CDH22: variants seen among roughly 807,000 people sequenced by gnomAD.
The protein encoded by CDH22 is cadherin 22.
Under a neutral mutation model 58.4 loss-of-function variants are expected in CDH22, and 30 were observed. The observed-to-expected ratio is 0.51, with a 90% CI of 0.38 to 0.70. CDH22 has a LOEUF of 0.70. Ranked by LOEUF, CDH22 falls within the 30% of genes least tolerant of loss-of-function variation. The probability of loss-of-function intolerance (pLI) is 0.00; values close to 1 mark genes in which losing one functional copy is unlikely to be tolerated. For missense variants in CDH22, 1,014 were observed against 1,233.9 expected, an observed-to-expected ratio of 0.82 and a Z score of 2.67; for synonymous variants, 513 against 558.2, an observed-to-expected ratio of 0.92 and a Z score of 1.14.
At chr20:46,188,560 A>T (rs915458653) in intron 8 of CDH22, among the ~76,000 whole-genome samples, 3 of 152,242 alleles carry the variant, frequency 2.0e-5, no homozygotes, top group East Asian at 3.8e-4. Context: ...AGATTGAGTT[A>T]ATATCTGCAG....
intron 3 of CDH22, among the ~76,000 whole-genome samples, chr20:46,234,203 G>A (rs1260098390): frequency 6.6e-5 from 10 of 152,212 alleles, no homozygotes; most frequent in Non-Finnish European, 4.4e-5. Context: ...GAGTCCCCAG[G>A]AGGCTGAAAT....
At chr20:46,187,003 C>T (rs1421980305) in intron 8 of CDH22, 56 bp from the exon 9 acceptor site, 3 of 1,515,912 alleles carry the variant, frequency 2.0e-6, no homozygotes, top group Admixed American at 2.1e-5. Flanking sequence ...ATCTAGATAG[C>T]CTCCTCTCTA....
intron 8 of CDH22, among the ~76,000 whole-genome samples, chr20:46,196,097 C>T (rs1056102380): frequency 1.3e-5 from 2 of 152,144 alleles, no homozygotes; most frequent in African/African-American, 2.4e-5. Flanking sequence ...GGGGCTCTGG[C>T]TGGCTCCTGG....
chr20:46,181,740 C>CTTCCTTCCTTCCTTCCTTCG (rs2085787213), intron 10 of CDH22, among the ~76,000 whole-genome samples: 1 of 38,708 alleles, frequency 2.6e-5, no homozygotes, highest in African/African-American at 8.5e-5. Context: ...TCCTTCCTTC[C>CTTCCTTCCTTCCTTCCTTCG]TTCCTTCCTT....
At chr20:46,211,767 G>A (rs1035714787) in intron 6 of CDH22, among the ~76,000 whole-genome samples, 9 of 152,002 alleles carry the variant, frequency 5.9e-5, no homozygotes, top group South Asian at 2.1e-4. Context: ...AAGGATGAAC[G>A]GAGATCAAAA....
intron 11 of CDH22, among the ~76,000 whole-genome samples, chr20:46,177,016 T>C (rs907510958): frequency 6.6e-6 from 1 of 151,984 alleles, no homozygotes; most frequent in African/African-American, 2.4e-5. Context: ...TTCTGAGCCA[T>C]GGGCTAGGGT....
At chr20:46,257,785 A>G (rs1568676129) in intron 1 of CDH22, among the ~76,000 whole-genome samples, 1 of 152,186 alleles carries the variant, frequency 6.6e-6, no homozygotes, top group Non-Finnish European at 1.5e-5. Context: ...AGACTGGGTG[A>G]GAGCACCAGG....
chr20:46,295,467 C>T (rs986633682), intron 1 of CDH22, among the ~76,000 whole-genome samples: 2 of 152,210 alleles, frequency 1.3e-5, no homozygotes, highest in Non-Finnish European at 2.9e-5. Flanking sequence ...GTTCTAAGTA[C>T]TTTACAAACA....
rs537898666 is a variant in CDH22, at chr20:46,303,897, G to T, written c.-400+4358C>A. Among the ~76,000 whole-genome samples, 51 of 152,292 alleles carry T rather than the reference G, an allele frequency of 3.3e-4. No homozygotes were observed. The Middle Eastern group carries it at 0.017, about 51-fold the overall frequency. On this transcript the variant is annotated intron_variant, in intron 1 of 11. Coordinates refer to ENST00000537909, the MANE Select transcript of CDH22 (RefSeq NM_021248.3). ...TTAGAGAACGATCGCTCTGGTTGCC[G>T]CAGGGGTTGCAGCGGGAGGGTATCA...
intron 1 of CDH22, among the ~76,000 whole-genome samples, chr20:46,294,792 T>G (rs1406160672): frequency 6.6e-6 from 1 of 152,162 alleles, no homozygotes; most frequent in Non-Finnish European, 1.5e-5. Flanking sequence ...CTGAAAAAAC[T>G]GAGGCACTAG....
At chr20:46,280,586 T>C (rs996822232) in intron 1 of CDH22, among the ~76,000 whole-genome samples, 7 of 152,174 alleles carry the variant, frequency 4.6e-5, no homozygotes, top group African/African-American at 1.4e-4. Flanking sequence ...CCTCAGCCTA[T>C]GGTCTGGGGG....
chr20:46,280,671 T>C (rs1051589818), intron 1 of CDH22, among the ~76,000 whole-genome samples: 5 of 152,230 alleles, frequency 3.3e-5, no homozygotes, highest in Non-Finnish European at 7.3e-5. Flanking sequence ...CCTTGGCTAT[T>C]GGACTCAGGG....
intron 1 of CDH22, among the ~76,000 whole-genome samples, chr20:46,295,859 C>A (rs2086626670): frequency 6.6e-6 from 1 of 152,214 alleles, no homozygotes; most frequent in Non-Finnish European, 1.5e-5. Context: ...AACTCCAGGG[C>A]TCAAGCGATC....
intron 1 of CDH22, among the ~76,000 whole-genome samples, chr20:46,275,540 A>G (rs989076007): frequency 6.6e-6 from 1 of 152,170 alleles, no homozygotes; most frequent in Non-Finnish European, 1.5e-5. Context: ...TCTCTCCTCC[A>G]TAGCACGTAC....
intron 1 of CDH22, among the ~76,000 whole-genome samples, chr20:46,252,983 T>G (rs1490995596): frequency 6.6e-6 from 1 of 151,706 alleles, no homozygotes; most frequent in Non-Finnish European, 1.5e-5. Flanking sequence ...GGCAGAGGAG[T>G]GTGCATGGTG....
At chr20:46,266,018 GC>G (rs1426707127) in intron 1 of CDH22, among the ~76,000 whole-genome samples, 13 of 150,452 alleles carry the variant, frequency 8.6e-5, no homozygotes, top group East Asian at 2.0e-4. Context: ...GGGCCCAGAT[GC>G]CCCCTCTGGG....
chr20:46,267,245 G>T (rs1268892515), intron 1 of CDH22, among the ~76,000 whole-genome samples: 1 of 152,138 alleles, frequency 6.6e-6, no homozygotes, highest in Admixed American at 6.5e-5. Context: ...TGGCCTGAGA[G>T]CCTCTGGAGC....
chr20:46,176,293 T>A (rs1042491284), intron 11 of CDH22, among the ~76,000 whole-genome samples: 11 of 152,196 alleles, frequency 7.2e-5, no homozygotes, highest in Admixed American at 6.5e-4. Context: ...GAAATCTAGA[T>A]TGTACATTCA....
rs1036720541 is a variant in CDH22 at position 46,174,339 on chromosome 20, G to A, written c.*167C>T. 2.2e-5 allele frequency: 12 copies of A among 543,926 alleles called. No homozygotes were observed. Among genetic ancestry groups the A allele is most frequent in the Non-Finnish European group, 3.2e-5 (10 of 316,520 alleles). The allele number at this position is 543,926 out of a possible 1,614,324, so 33.7% of individuals were successfully genotyped here. A position where few individuals can be genotyped will look rare whatever the true frequency, so the allele number is the denominator to read the frequency against. Reference sequence around the variant, plus strand: ...GGGCTCCAAAGCTGCACCCCTAGAGGAGGAGGAATGGAAGAGTCCGCTCCT... The same window carrying A: ...GGGCTCCAAAGCTGCACCCCTAGAGAAGGAGGAATGGAAGAGTCCGCTCCT... On this transcript the variant is annotated 3_prime_UTR_variant, in exon 12 of 12. Transcript: ENST00000537909. This position sits in a 1 kb window ranked among gnomAD's most constrained non-coding sequence, Gnocchi z 4.4.
Sources: allele counts gnomAD v4.1 joint callset (sites outside exome capture counted in the v4.1 genomes callset), GRCh38; gene constraint gnomAD v4.1.1; non-coding constraint Gnocchi (gnomAD v3.1); transcripts MANE v1.5; gene names NCBI Gene and HGNC (gene_info 2026-07-23, HGNC 2026-07-21).